SCAF4: variants seen among roughly 807,000 people sequenced by gnomAD.
SCAF4 encodes the protein SR-related and CTD-associated factor 4.
In SCAF4, 25 loss-of-function variants were observed where a neutral mutation model predicts 129.8. The ratio of observed to expected loss-of-function variants is 0.19; its 90% CI spans 0.14 to 0.27. The LOEUF is 0.27. Among genes scored for constraint, SCAF4 ranks in the 10% least tolerant of loss-of-function variants. The pLI, the probability that SCAF4 is intolerant of heterozygous loss-of-function variation, is 1.00. For missense variants in SCAF4, 1,246 were observed against 1,457.1 expected (o/e 0.86, Z 2.36); for synonymous variants, 551 against 497.7 (o/e 1.11, Z -1.43).
At position 31,671,369 on chromosome 21, in the gene SCAF4, TCA is replaced by T. The variant is rs775385800; in HGVS notation, c.*28_*29del. 5 of 1,600,682 alleles carry T rather than the reference TCA, an allele frequency of 3.1e-6. No individual in the cohort carries two copies. The South Asian group carries it at 5.6e-5, about 18-fold the overall frequency. On this transcript the variant is annotated 3_prime_UTR_variant, in exon 20 of 20. Transcript: ENST00000286835. ...CTCAAGCTCTACACTCCAGGAAGTG[TCA>T]CTGTCACATTTTCACAAATTCCAGT...
chr21:31,691,799 T>G lies in SCAF4; in HGVS notation c.1728+18A>C. The G allele has an allele frequency of 2.2e-6, 3 of 1,334,882 alleles. No homozygotes were observed. In the South Asian group the frequency reaches 4.6e-5, roughly 21 times the overall value. The allele number at this position is 1,334,882 out of a possible 1,614,324, so 82.7% of individuals were successfully genotyped here. On this transcript the variant is annotated intron_variant, in intron 14 of 19. Coordinates refer to ENST00000286835, the MANE Select transcript of SCAF4 (RefSeq NM_020706.2). ...GCCTATTTAAAAAAAAAATTAATTA[T>G]AACATGTAAGACTGTACCTTTATGG...
At position 31,671,437 on chromosome 21, in the gene SCAF4, C is replaced by T. The variant is rs752311300; in HGVS notation, c.3406G>A (p.Glu1136Lys). The T allele has an allele frequency of 2.5e-6, 4 of 1,614,016 alleles. No individual in the cohort carries two copies. Among genetic ancestry groups the T allele is most frequent in the South Asian group, 2.2e-5 (2 of 91,070 alleles). The change falls in exon 20 of 20, where the codon GAA becomes AAA. Residue 1136 changes from glutamate (E) to lysine (K), a missense_variant. Coordinates refer to ENST00000286835, the MANE Select transcript of SCAF4 (RefSeq NM_020706.2). ...PAEATSSVEP[E>K]KDSGSAAEAP... Reference sequence around the variant, plus strand: ...TCTGCTGCTGAGCCAGAATCCTTTTCGGGTTCAACGGATGAGGTAGCCTCA... The same window carrying T: ...TCTGCTGCTGAGCCAGAATCCTTTTTGGGTTCAACGGATGAGGTAGCCTCA...
intron 3 of SCAF4, among the ~76,000 whole-genome samples, chr21:31,704,558 A>C (rs570463078): frequency 1.3e-5 from 2 of 152,168 alleles, no homozygotes; most frequent in Admixed American, 1.3e-4. Flanking sequence ...TAGGTCTAAC[A>C]ACTCAGAAAA....
chr21:31,688,382 T>A lies in SCAF4; in HGVS notation c.1968A>T (p.Ser656=). Residue 656 remains serine, a synonymous_variant, in exon 16 of 20, where the codon TCA becomes TCT. Coordinates refer to ENST00000286835, the MANE Select transcript of SCAF4 (RefSeq NM_020706.2). The part of the protein sequence containing the change: ...GAETSHTEPV[S]PIPKPLPVPV... ...GCACAGGTAATGGTTTAGGTATGGG[T>A]GATACTGGTTCTGTGTGTGAGGTTT... 1 of 1,613,848 alleles carries A rather than the reference T, an allele frequency of 6.2e-7. No individual in the cohort carries two copies. Among genetic ancestry groups the A allele is most frequent in the Non-Finnish European group, 8.5e-7 (1 of 1,179,866 alleles).
chr21:31,698,590 T>C (rs1258588528), intron 7 of SCAF4, among the ~76,000 whole-genome samples: 1 of 152,168 alleles, frequency 6.6e-6, no homozygotes, highest in African/African-American at 2.4e-5. Context: ...GGTGTTTTTT[T>C]AGATGAGAAG....
intron 1 of SCAF4, among the ~76,000 whole-genome samples, chr21:31,713,461 A>G (rs896613155): frequency 6.6e-6 from 1 of 152,204 alleles, no homozygotes; most frequent in East Asian, 1.9e-4. Flanking sequence ...GTAAATACAC[A>G]ATAGATATTA....
chr21:31,696,627 T>C lies in SCAF4; in HGVS notation c.901A>G (p.Thr301Ala), dbSNP rs750834685. 1 of 1,612,800 alleles carries C rather than the reference T, an allele frequency of 6.2e-7. No individual in the cohort carries two copies. The highest frequency in any genetic ancestry group is 8.5e-7 in the Non-Finnish European group (1 of 1,179,430). The change falls in exon 8 of 20, where the codon ACC (threonine) becomes GCC (alanine). Residue 301 changes from threonine (T) to alanine (A), a missense_variant. Thr to Ala is a moderately conservative substitution (Grantham distance 58). Around this residue, in one of 6 missense-constraint regions of SCAF4, gnomAD observed 236 missense variants for 210.0 expected, o/e 1.12. Coordinates refer to ENST00000286835, the MANE Select transcript of SCAF4 (RefSeq NM_020706.2). The part of the protein sequence containing the change: ...AAAVPPAPTA[T>A]VPAAAAPAAA... ...GCGGGTGCAGCAGCAGCAGGCACGG[T>C]GGCGGTGGGTGCAGGGGGTACTGCG...
rs1368915068 is a variant in SCAF4 at position 31,717,900 on chromosome 21, TATATACACACAC to T, written c.31-11555_31-11544del. ...ACACATATATACACATATATACACA[TATATACACACAC>T]ACACACACACACACACACACACACA... On this transcript the variant is annotated intron_variant, in intron 1 of 19. Coordinates refer to ENST00000286835, the MANE Select transcript of SCAF4 (RefSeq NM_020706.2). 2.7e-3 allele frequency among the ~76,000 whole-genome samples: 211 copies of T among 78,642 alleles called. 3 individuals are homozygous for T. The highest frequency in any genetic ancestry group is 9.4e-3 in the African/African-American group (209 of 22,154). The allele number at this position is 78,642 out of a possible 152,430, so 51.6% of individuals were successfully genotyped here. A position where few individuals can be genotyped will look rare whatever the true frequency, so the allele number is the denominator to read the frequency against.
At chr21:31,675,184 T>G (rs2049821321) in intron 19 of SCAF4, among the ~76,000 whole-genome samples, 1 of 151,852 alleles carries the variant, frequency 6.6e-6, no homozygotes, top group South Asian at 2.1e-4. Flanking sequence ...ACAGATGAGG[T>G]TTATGAAGCT....
In SCAF4 at chr21:31,702,295, C is replaced by T; in HGVS notation, c.406G>A (p.Ala136Thr). 6.2e-7 allele frequency: 1 copy of T among 1,614,144 alleles called. No individual in the cohort carries two copies. Among genetic ancestry groups the T allele is most frequent in the South Asian group, 1.1e-5 (1 of 91,082 alleles). ...EIIQPLLDMA[A>T]GTSNAAPVAE... The stretch of plus-strand genomic sequence containing the variant: ...ACTGGGGCTGCATTACTGGTTCCCG[C>T]TGCCATGTCCAAAAGAGGTTGAATA... The change falls in exon 5 of 20, where the codon GCG becomes ACG. Residue 136 changes from alanine to threonine, a missense_variant. By Grantham distance (58) the Ala-to-Thr change is moderately conservative. Around this residue, in one of 6 missense-constraint regions of SCAF4, gnomAD observed 143 missense variants for 161.0 expected, o/e 0.89. Transcript: ENST00000286835.
At chr21:31,698,585 T>C (rs2050444444) in intron 7 of SCAF4, among the ~76,000 whole-genome samples, 1 of 152,158 alleles carries the variant, frequency 6.6e-6, no homozygotes, top group Admixed American at 6.5e-5. Context: ...GTGAAGGTGT[T>C]TTTTTAGATG....
At chr21:31,706,628 C>T (rs1250697231) in intron 1 of SCAF4, 10 of 410,802 alleles carry the variant, frequency 2.4e-5, no homozygotes, top group East Asian at 2.3e-4. Context: ...AAGAGGCAAT[C>T]GGCATGGCTG....
intron 1 of SCAF4, among the ~76,000 whole-genome samples, chr21:31,729,822 G>A (rs1209489978): frequency 1.3e-5 from 2 of 152,092 alleles, no homozygotes; most frequent in Non-Finnish European, 2.9e-5. Flanking sequence ...CCTTTTTCAA[G>A]GAATCAATAC....
intron 16 of SCAF4, among the ~76,000 whole-genome samples, chr21:31,686,232 GGAAA>G (rs1185854085): frequency 1.7e-4 from 25 of 143,836 alleles, no homozygotes; most frequent in Admixed American, 8.3e-4. Context: ...AAAAAAAAAA[GGAAA>G]GAAAGAAAGA....
chr21:31,699,462 G>C (rs920060279), intron 7 of SCAF4, among the ~76,000 whole-genome samples: 1 of 151,286 alleles, frequency 6.6e-6, no homozygotes, highest in African/African-American at 2.4e-5. Flanking sequence ...AAACTGCAGT[G>C]TGGAATTCTT....
intron 1 of SCAF4, among the ~76,000 whole-genome samples, chr21:31,719,724 G>A (rs1364173237): frequency 2.6e-5 from 4 of 151,952 alleles, no homozygotes; most frequent in South Asian, 2.1e-4. Context: ...GGCTGGTCTC[G>A]AACTCCTGAC....
At chr21:31,727,358 G>A (rs929181795) in intron 1 of SCAF4, among the ~76,000 whole-genome samples, 7 of 151,970 alleles carry the variant, frequency 4.6e-5, no homozygotes, top group South Asian at 2.1e-4. Context: ...AATTACAGGC[G>A]TAAGCCACCG....
At chr21:31,689,059 C>T (rs781188998) in intron 15 of SCAF4, among the ~76,000 whole-genome samples, 2 of 152,154 alleles carry the variant, frequency 1.3e-5, no homozygotes, top group Non-Finnish European at 2.9e-5. Flanking sequence ...TCAATACATT[C>T]TCCACTGGAC....
intron 19 of SCAF4, among the ~76,000 whole-genome samples, chr21:31,673,928 T>C (rs973183831): frequency 1.3e-5 from 2 of 152,258 alleles, no homozygotes; most frequent in African/African-American, 4.8e-5. Context: ...TAGAACATTC[T>C]GGTGCCTATC....
Sources: allele counts gnomAD v4.1 joint callset (sites outside exome capture counted in the v4.1 genomes callset), GRCh38; gene constraint gnomAD v4.1.1; regional missense constraint gnomAD v4.1.1; transcripts MANE v1.5; gene names NCBI Gene and HGNC (gene_info 2026-07-23, HGNC 2026-07-21).